TFDP2: variants seen among roughly 807,000 people sequenced by gnomAD.
The protein encoded by TFDP2 is transcription factor Dp-2.
In TFDP2, 17 loss-of-function variants were observed where a neutral mutation model predicts 59.3. The observed-to-expected ratio is 0.29, with a 90% CI of 0.20 to 0.43. The LOEUF (loss-of-function observed/expected upper bound fraction) is 0.43. TFDP2 is among the 20% of genes least tolerant of loss of function. The pLI is 1.00. For synonymous variants in TFDP2, 180 were observed against 194.7 expected, an observed-to-expected ratio of 0.92 and a Z score of 0.63; for missense variants, 391 against 528.8, an observed-to-expected ratio of 0.74 and a Z score of 2.56.
chr3:142,112,105 A>C (rs1043092233), intron 1 of TFDP2, among the ~76,000 whole-genome samples: 2 of 152,156 alleles, frequency 1.3e-5, no homozygotes, highest in Non-Finnish European at 2.9e-5. Flanking sequence ...GAAGCCTCAG[A>C]ATGATTTTAA....
intron 3 of TFDP2, among the ~76,000 whole-genome samples, chr3:142,021,598 G>T (rs1054402164): frequency 6.6e-6 from 1 of 152,126 alleles, no homozygotes; most frequent in Admixed American, 6.5e-5. Flanking sequence ...TCACTTAGGG[G>T]ACACTTTCTA....
At position 142,062,403 on chromosome 3, in the gene TFDP2, G is replaced by GTA. The variant is rs780839045; in HGVS notation, c.82+30657_82+30658insTA. On this transcript the variant is annotated intron_variant, in intron 3 of 12. Coordinates refer to ENST00000489671, the MANE Select transcript of TFDP2 (RefSeq NM_001178139.2). ...TATATATATATTATATAATATATAT[G>GTA]TGTGTGTGTGTGTGTGTGTGTGTGT... 1.7e-3 allele frequency among the ~76,000 whole-genome samples: 235 copies of GTA among 139,166 alleles called. 2 individuals carry two copies. Among genetic ancestry groups the GTA allele is most frequent in the Non-Finnish European group, 1.7e-3 (110 of 63,398 alleles). The allele number at this position is 139,166 out of a possible 152,430, so 91.3% of individuals were successfully genotyped here.
At chr3:142,027,885 A>C (rs1348807965) in intron 3 of TFDP2, among the ~76,000 whole-genome samples, 1 of 152,170 alleles carries the variant, frequency 6.6e-6, no homozygotes, top group Non-Finnish European at 1.5e-5. Flanking sequence ...CCCAAGAGGC[A>C]GACACCAAAT....
intron 3 of TFDP2, among the ~76,000 whole-genome samples, chr3:142,010,627 A>AC (rs1944593020): frequency 1.3e-5 from 2 of 151,010 alleles, no homozygotes; most frequent in African/African-American, 4.8e-5. Flanking sequence ...AAAAAAAAAA[A>AC]AACCTACCAT....
chr3:142,092,946 C>T (rs897104830), intron 3 of TFDP2, 115 bp downstream of exon 3: 7 of 676,288 alleles, frequency 1.0e-5, no homozygotes, highest in Admixed American at 3.2e-5. Context: ...CATGGAACAA[C>T]GTGCTAATAT....
At chr3:142,002,219 T>A (rs1460609969) in intron 4 of TFDP2, among the ~76,000 whole-genome samples, 2 of 151,878 alleles carry the variant, frequency 1.3e-5, no homozygotes, top group African/African-American at 4.8e-5. Context: ...GTTCTCGAAC[T>A]CCTGACCTCA....
At chr3:142,110,003 C>G (rs965114192) in intron 1 of TFDP2, among the ~76,000 whole-genome samples, 2 of 152,120 alleles carry the variant, frequency 1.3e-5, no homozygotes, top group African/African-American at 4.8e-5. Flanking sequence ...TCAGCCTACT[C>G]AGTCGTTGGG....
At chr3:142,102,915 A>G (rs552078444) in intron 1 of TFDP2, among the ~76,000 whole-genome samples, 1 of 152,322 alleles carries the variant, frequency 6.6e-6, no homozygotes, top group Admixed American at 6.5e-5. Flanking sequence ...ATGGCAAAGA[A>G]AGGCTGAGAA....
In TFDP2 at chr3:142,105,466, C is replaced by T. The variant is rs1406341395; in HGVS notation, c.-92-3625G>A. Reference sequence around the variant, plus strand: ...CTAGTAGGTGTCCTTTTTCCCCACCCTTTGTGTTTTTTTGTGCCCAGAGCA... The same window carrying T: ...CTAGTAGGTGTCCTTTTTCCCCACCTTTTGTGTTTTTTTGTGCCCAGAGCA... On this transcript the variant is annotated intron_variant, in intron 1 of 12. Transcript: ENST00000489671. Among the ~76,000 whole-genome samples, 6 of 152,078 alleles carry T rather than the reference C, an allele frequency of 3.9e-5. No individual in the cohort carries two copies. In the East Asian group the frequency reaches 1.2e-3, roughly 29 times the overall value.
intron 3 of TFDP2, among the ~76,000 whole-genome samples, chr3:142,008,399 A>G (rs1944387184): frequency 6.6e-6 from 1 of 152,042 alleles, no homozygotes; most frequent in South Asian, 2.1e-4. Flanking sequence ...ACTCCTCAAC[A>G]TGGCACAAAA....
intron 7 of TFDP2, among the ~76,000 whole-genome samples, chr3:141,976,072 G>C (rs890621990): frequency 6.6e-6 from 1 of 151,984 alleles, no homozygotes; most frequent in Non-Finnish European, 1.5e-5. Flanking sequence ...GTACAGACAG[G>C]GTTTCATCAT....
intron 7 of TFDP2, 119 bp downstream of exon 7, chr3:141,978,401 C>T (rs561198807): frequency 9.4e-7 from 1 of 1,060,290 alleles, no homozygotes; most frequent in East Asian, 2.9e-5. Context: ...ACAAAAAATC[C>T]CCCAAAATAA....
Position 141,993,523 on chromosome 3 carries a change from T to A in TFDP2, c.356+15A>T. The A allele has an allele frequency of 6.5e-7, 1 of 1,545,746 alleles. No individual in the cohort carries two copies. The highest frequency in any genetic ancestry group is 8.8e-7 in the Non-Finnish European group (1 of 1,137,138). On this transcript the variant is annotated intron_variant, in intron 6 of 12. Coordinates refer to ENST00000489671, the MANE Select transcript of TFDP2 (RefSeq NM_001178139.2). ...AGCCAAATCTTCCAAACAAAATAGTTAGACTTATACTCACCTTTCTGAAAA... is the reference window on the plus strand; with the variant it reads ...AGCCAAATCTTCCAAACAAAATAGTAAGACTTATACTCACCTTTCTGAAAA...
At chr3:141,991,457 A>C (rs1296349317) in intron 6 of TFDP2, among the ~76,000 whole-genome samples, 2 of 152,156 alleles carry the variant, frequency 1.3e-5, no homozygotes, top group Non-Finnish European at 2.9e-5. Flanking sequence ...AATTAGCAAA[A>C]AAGTAAAAAA....
At chr3:142,051,331 G>T (rs904047879) in intron 3 of TFDP2, among the ~76,000 whole-genome samples, 4 of 152,156 alleles carry the variant, frequency 2.6e-5, no homozygotes, top group Non-Finnish European at 4.4e-5. Context: ...TTGAGATCAG[G>T]TGTTTGAGAC....
intron 3 of TFDP2, among the ~76,000 whole-genome samples, chr3:142,037,413 G>A (rs1430406442): frequency 2.0e-5 from 3 of 152,116 alleles, no homozygotes; most frequent in African/African-American, 7.2e-5. Context: ...TACATTGTAT[G>A]CTCTTTTATT....
intron 3 of TFDP2, among the ~76,000 whole-genome samples, chr3:142,029,555 G>A (rs1946322788): frequency 6.6e-6 from 1 of 151,904 alleles, no homozygotes; most frequent in African/African-American, 2.4e-5. Flanking sequence ...GACCTCTTAG[G>A]TTCCTTTCCA....
intron 3 of TFDP2, among the ~76,000 whole-genome samples, chr3:142,064,213 A>G (rs976094245): frequency 9.2e-5 from 14 of 152,116 alleles, no homozygotes; most frequent in Admixed American, 6.6e-4. Flanking sequence ...CGGCCTCCCA[A>G]ATGCTGAGAT....
At position 142,124,954 on chromosome 3, in the gene TFDP2, G is replaced by A. The variant is rs149370339; in HGVS notation, c.-92-23113C>T. On this transcript the variant is annotated intron_variant, in intron 1 of 12. Transcript: ENST00000489671. Reference sequence around the variant, plus strand: ...ATTACACCTGTAACTCCAGTGCTCTGGGACGCCAAGGTGGGAGTATTGCTC... The same window carrying A: ...ATTACACCTGTAACTCCAGTGCTCTAGGACGCCAAGGTGGGAGTATTGCTC... Among the ~76,000 whole-genome samples, 85 of 152,268 alleles carry A rather than the reference G, an allele frequency of 5.6e-4. 2 individuals carry two copies. In the East Asian group the frequency reaches 0.014, roughly 26 times the overall value.
Sources: allele counts gnomAD v4.1 joint callset (sites outside exome capture counted in the v4.1 genomes callset), GRCh38; gene constraint gnomAD v4.1.1; transcripts MANE v1.5; gene names NCBI Gene and HGNC (gene_info 2026-07-23, HGNC 2026-07-21).